FAT4: variants seen among roughly 807,000 people sequenced by gnomAD.
The protein encoded by FAT4 is FAT atypical cadherin 4, also known as protocadherin Fat 4.
In FAT4, 84 loss-of-function variants were observed where a neutral mutation model predicts 303.9. The observed-to-expected ratio is 0.28, with a 90% confidence interval of 0.23 to 0.33. The LOEUF is 0.33. Among genes scored for constraint, FAT4 ranks in the 10% least tolerant of loss-of-function variants. The pLI, the probability that FAT4 is intolerant of heterozygous loss-of-function variation, is 1.00. For missense variants in FAT4, 6,005 were observed against 6,146.8 expected (o/e 0.98, Z 0.77); for synonymous variants, 2,307 against 2,298.8 (o/e 1.00, Z -0.10).
At position 125,451,641 on chromosome 4, in the gene FAT4, G is replaced by T; in HGVS notation, c.10631G>T (p.Gly3544Val). 1 of 1,614,110 alleles carries T rather than the reference G, an allele frequency of 6.2e-7. No individual in the cohort carries two copies. The highest frequency in any genetic ancestry group is 1.1e-5 in the South Asian group (1 of 91,084). ...GACCCTGATCTCCCTCCAAATCAAG[G>T]TCCCTTTACTTATTACTTGCTGAGC... Reference protein sequence around the residue: ...STDPDLPPNQGPFTYYLLSTG... With the variant: ...STDPDLPPNQVPFTYYLLSTG... Residue 3544 changes from glycine to valine, a missense_variant, in exon 10 of 18, where the codon GGT (glycine) becomes GTT (valine). Physicochemically the swap from Gly to Val is moderately radical, Grantham distance 109. Transcript: ENST00000394329.
intron 2 of FAT4, among the ~76,000 whole-genome samples, chr4:125,340,981 T>A (rs1458847105): frequency 2.0e-5 from 3 of 152,194 alleles, no homozygotes; most frequent in Non-Finnish European, 2.9e-5. Flanking sequence ...TTTGTGTAAA[T>A]GTGTTATGTG....
chr4:125,351,933 A>G (rs1732241256), intron 2 of FAT4, among the ~76,000 whole-genome samples: 1 of 151,716 alleles, frequency 6.6e-6, no homozygotes, highest in African/African-American at 2.4e-5. Context: ...TAGGCACAGG[A>G]TTTAAGGCAG....
intron 10 of FAT4, among the ~76,000 whole-genome samples, chr4:125,456,041 TTC>T (rs1726266106): frequency 1.3e-5 from 2 of 152,178 alleles, no homozygotes; most frequent in African/African-American, 4.8e-5. Context: ...AGGAGAATGG[TTC>T]CTGCTTTGCT....
rs138655269 is a variant in FAT4 at position 125,449,031 on chromosome 4, A to T, written c.8021A>T (p.Asp2674Val). The change falls in exon 10 of 18, where the codon GAC becomes GTC. Residue 2674 changes from aspartate (D) to valine (V), a missense_variant. By Grantham distance (152) the Asp-to-Val change is radical. Coordinates refer to ENST00000394329, the MANE Select transcript of FAT4 (RefSeq NM_001291303.3). Reference sequence around the variant, plus strand: ...GATAATGCCCCAATTTTTAAGGAAGACCCATTTATATCTGAAATATTGGAA... The same window carrying T: ...GATAATGCCCCAATTTTTAAGGAAGTCCCATTTATATCTGAAATATTGGAA... ...VNDNAPIFKE[D>V]PFISEILENL... 2.8e-3 allele frequency: 4,539 copies of T among 1,613,802 alleles called. 6 individuals carry two copies. The highest frequency in any genetic ancestry group is 3.6e-3 in the Non-Finnish European group (4,270 of 1,179,836).
At position 125,339,857 on chromosome 4, in the gene FAT4, G is replaced by A. The variant is rs1348033341; in HGVS notation, c.5175+18271G>A. Among the ~76,000 whole-genome samples, 4 of 152,094 alleles carry A rather than the reference G, an allele frequency of 2.6e-5. No homozygotes were observed. The East Asian group carries it at 5.8e-4, about 22-fold the overall frequency. On this transcript the variant is annotated intron_variant, in intron 2 of 17. Coordinates refer to ENST00000394329, the MANE Select transcript of FAT4 (RefSeq NM_001291303.3). ...ATAGTAGTTTCTGATAAAGATATCG[G>A]TTTGGAAAATTTAAAAAAATAATAT...
chr4:125,410,830 TA>T (rs889862970), intron 5 of FAT4, among the ~76,000 whole-genome samples: 4 of 152,144 alleles, frequency 2.6e-5, no homozygotes, highest in Non-Finnish European at 5.9e-5. Context: ...GTTTTTGTGA[TA>T]TTTTTTCTTT....
At chr4:125,419,781 A>G (rs1030104779) in intron 7 of FAT4, among the ~76,000 whole-genome samples, 1 of 152,116 alleles carries the variant, frequency 6.6e-6, no homozygotes, top group South Asian at 2.1e-4. Context: ...ATTTAGTATC[A>G]TCACATTATT....
At chr4:125,335,962 T>C (rs1017171535) in intron 2 of FAT4, among the ~76,000 whole-genome samples, 12 of 152,112 alleles carry the variant, frequency 7.9e-5, no homozygotes, top group Non-Finnish European at 1.6e-4. Context: ...TTGTTGATGC[T>C]ACATTCAGTT....
Position 125,318,991 on chromosome 4 carries a change from C to T in FAT4, c.2580C>T (p.Ser860=). Residue 860 remains serine, a synonymous_variant, in exon 2 of 18, where the codon TCC becomes TCT. Transcript: ENST00000394329. Reference sequence around the variant, plus strand: ...ATGTGATTGATAGAGAAGAGCAATCCTTTTATCAGCTGAAGGTAGTGGCCA... The same window carrying T: ...ATGTGATTGATAGAGAAGAGCAATCTTTTTATCAGCTGAAGGTAGTGGCCA... ...TANVIDREEQ[S]FYQLKVVASG... 3 of 1,614,122 alleles carry T rather than the reference C, an allele frequency of 1.9e-6. No individual in the cohort carries two copies. Among genetic ancestry groups the T allele is most frequent in the Non-Finnish European group, 2.5e-6 (3 of 1,180,030 alleles).
Position 125,491,075 on chromosome 4 carries a change from G to A in FAT4, c.14259G>A (p.Arg4753=), listed in dbSNP as rs141029741. 2 of 1,614,094 alleles carry A rather than the reference G, an allele frequency of 1.2e-6. No individual in the cohort carries two copies. The highest frequency in any genetic ancestry group is 2.7e-5 in the African/African-American group (2 of 74,942). ...TCAACTATGCCACAAGGCTGGGAAG[G>A]AGAAGCAAGAGTCCTCAGGCCATGG... ...GIFNYATRLG[R]RSKSPQAMAS... Residue 4753 remains arginine (R), a synonymous_variant, in exon 18 of 18, where the codon AGG becomes AGA. Transcript: ENST00000394329.
intron 2 of FAT4, among the ~76,000 whole-genome samples, chr4:125,373,214 T>C (rs904760836): frequency 2.0e-5 from 3 of 152,158 alleles, no homozygotes; most frequent in African/African-American, 7.2e-5. Context: ...ATTATTTAAA[T>C]TTATTTTTAG....
chr4:125,394,395 G>C (rs1473841060), intron 2 of FAT4, among the ~76,000 whole-genome samples: 1 of 152,112 alleles, frequency 6.6e-6, no homozygotes, highest in Non-Finnish European at 1.5e-5. Context: ...AACACTAAGA[G>C]GGGCAATGCT....
In FAT4 at chr4:125,319,716, G is replaced by A. The variant is rs759084744; in HGVS notation, c.3305G>A (p.Ser1102Asn). 1 of 1,614,066 alleles carries A rather than the reference G, an allele frequency of 6.2e-7. No individual in the cohort carries two copies. The highest frequency in any genetic ancestry group is 8.5e-7 in the Non-Finnish European group (1 of 1,179,904). Residue 1102 changes from serine (S) to asparagine (N), a missense_variant, in exon 2 of 18, where the codon AGT becomes AAT. Coordinates refer to ENST00000394329, the MANE Select transcript of FAT4 (RefSeq NM_001291303.3). ...DVNDNRPLFNSTNYTFYFEEE... is the reference protein window; with the variant it reads ...DVNDNRPLFNNTNYTFYFEEE... ...AATGATAACAGACCTCTTTTTAACA[G>A]TACCAATTACACATTTTACTTCGAA...
chr4:125,427,428 AT>A (rs1180409642), intron 7 of FAT4, among the ~76,000 whole-genome samples: 4 of 150,698 alleles, frequency 2.7e-5, no homozygotes, highest in African/African-American at 5.0e-5. Context: ...AATGAAAAAA[AT>A]ATTAAGTGTG....
chr4:125,348,155 A>G (rs1732077120), intron 2 of FAT4, among the ~76,000 whole-genome samples: 2 of 150,646 alleles, frequency 1.3e-5, no homozygotes, highest in African/African-American at 4.8e-5. Flanking sequence ...TAATATTTAC[A>G]TTGTTTAGTT....
rs75551170 is a variant in FAT4 at position 125,462,756 on chromosome 4, C to T, written c.11801-807C>T. On this transcript the variant is annotated intron_variant, in intron 10 of 17. Coordinates refer to ENST00000394329, the MANE Select transcript of FAT4 (RefSeq NM_001291303.3). ...GCCTCCAAGAGGCTTTTATTCTTCACTTTTGAAATGTAAATATTTCCTTTG... is the reference window on the plus strand; with the variant it reads ...GCCTCCAAGAGGCTTTTATTCTTCATTTTTGAAATGTAAATATTTCCTTTG... Among the ~76,000 whole-genome samples, 1,152 of 152,110 alleles carry T rather than the reference C, an allele frequency of 7.6e-3. 49 individuals carry two copies. In the East Asian group the frequency reaches 0.083, roughly 11 times the overall value.
In FAT4 at chr4:125,318,973, T is replaced by G; in HGVS notation, c.2562T>G (p.Ile854Met). 6.2e-7 allele frequency: 1 copy of G among 1,614,186 alleles called. No individual in the cohort carries two copies. Among genetic ancestry groups the G allele is most frequent in the Non-Finnish European group, 8.5e-7 (1 of 1,180,042 alleles). The change falls in exon 2 of 18, where the codon ATT (isoleucine) becomes ATG (methionine). Residue 854 changes from isoleucine to methionine, a missense_variant. Transcript: ENST00000394329. The part of the protein sequence containing the change: ...VTGQLTTANV[I>M]DREEQSFYQL... The stretch of plus-strand genomic sequence containing the variant: ...GGCAGCTTACCACAGCAAATGTGAT[T>G]GATAGAGAAGAGCAATCCTTTTATC...
At position 125,408,671 on chromosome 4, in the gene FAT4, A is replaced by G. The variant is rs1198420951; in HGVS notation, c.5797A>G (p.Asn1933Asp). Residue 1933 changes from asparagine to aspartate, a missense_variant, in exon 5 of 18, where the codon AAT (asparagine) becomes GAT (aspartate). Physicochemically the swap from Asn to Asp is conservative, Grantham distance 23. Coordinates refer to ENST00000394329, the MANE Select transcript of FAT4 (RefSeq NM_001291303.3). ...GQFTTIRVYFNILDVNDNPPI... is the reference protein window; with the variant it reads ...GQFTTIRVYFDILDVNDNPPI... ...ATTTACTACCATCAGAGTTTATTTC[A>G]ATATTCTAGATGTAAATGATAATCC... is the stretch of plus-strand genomic sequence containing the variant. 6.2e-7 allele frequency: 1 copy of G among 1,609,662 alleles called. No homozygotes were observed. Among genetic ancestry groups the G allele is most frequent in the Non-Finnish European group, 8.5e-7 (1 of 1,176,364 alleles).
rs765483374 is a variant in FAT4 at position 125,423,776 on chromosome 4, G to T, written c.7018+7154G>T. On this transcript the variant is annotated intron_variant, in intron 7 of 17. Transcript: ENST00000394329. The stretch of plus-strand genomic sequence containing the variant: ...CCTGCAAAGCCACAGGGGCAGAGCT[G>T]CCCAAGACCATGGGAGCCCATGTCT... 2.5e-4 allele frequency among the ~76,000 whole-genome samples: 38 copies of T among 152,278 alleles called. 1 individual carries two copies. Among genetic ancestry groups the T allele is most frequent in the Middle Eastern group, 3.4e-3 (1 of 294 alleles).
Sources: gnomAD v4.1 joint callset for allele counts (sites outside exome capture counted in the v4.1 genomes callset) on GRCh38, gnomAD v4.1.1 for gene constraint, MANE v1.5 for transcripts, NCBI Gene and HGNC (gene_info 2026-07-23, HGNC 2026-07-21) for gene names.